The following AKAP6 variants were observed in gnomAD, a reference collection of about 807,000 sequenced individuals.
The protein encoded by AKAP6 is A-kinase anchor protein 6.
In AKAP6, 58 loss-of-function variants were observed where a neutral mutation model predicts 188.5. That is an observed-to-expected ratio of 0.31 (90% CI 0.25 to 0.38). AKAP6 has a LOEUF of 0.38. Ranked by LOEUF, AKAP6 falls within the 10% of genes least tolerant of loss-of-function variation. The pLI, the probability that AKAP6 is intolerant of heterozygous loss-of-function variation, is 1.00. For synonymous variants in AKAP6, 989 were observed against 998.6 expected (o/e 0.99, Z 0.18); for missense variants, 2,710 against 2,740.0 (o/e 0.99, Z 0.24).
chr14:32,411,946 A>G (rs747501856), intron 1 of AKAP6, among the ~76,000 whole-genome samples: 3 of 124,706 alleles, frequency 2.4e-5, no homozygotes, highest in Non-Finnish European at 5.1e-5. Context: ...TGCTTCATTT[A>G]CAAGCTAATA....
intron 7 of AKAP6, among the ~76,000 whole-genome samples, chr14:32,641,403 C>T (rs796260102): frequency 2.2e-4 from 33 of 146,846 alleles, no homozygotes; most frequent in Admixed American, 7.0e-4. Context: ...TTTGAGAGGC[C>T]GAGATGGGAG....
intron 7 of AKAP6, among the ~76,000 whole-genome samples, chr14:32,671,113 G>T (rs1889173068): frequency 6.6e-6 from 1 of 152,172 alleles, no homozygotes; most frequent in Non-Finnish European, 1.5e-5. Context: ...AGAGGATAGG[G>T]ATTTCTAGGG....
At chr14:32,585,969 G>T (rs573571704) in intron 5 of AKAP6, among the ~76,000 whole-genome samples, 1 of 152,134 alleles carries the variant, frequency 6.6e-6, no homozygotes, top group Non-Finnish European at 1.5e-5. Context: ...TCCTCTGGGG[G>T]CAATGGGGAC....
intron 7 of AKAP6, among the ~76,000 whole-genome samples, chr14:32,677,676 G>A (rs961413240): frequency 6.6e-6 from 1 of 152,190 alleles, no homozygotes; most frequent in African/African-American, 2.4e-5. Context: ...GCCTTGGTTT[G>A]ATAGAAAACA....
intron 3 of AKAP6, among the ~76,000 whole-genome samples, chr14:32,538,425 T>A (rs1882779501): frequency 1.3e-5 from 2 of 152,208 alleles, no homozygotes; most frequent in Non-Finnish European, 2.9e-5. Flanking sequence ...TGGAAGTTAG[T>A]TAAATTTCAG....
chr14:32,386,481 G>A, intron 1 of AKAP6, among the ~76,000 whole-genome samples: 1 of 152,008 alleles, frequency 6.6e-6, no homozygotes, highest in Non-Finnish European at 1.5e-5. Flanking sequence ...ATTTGTTAGA[G>A]TTCATTGTAG....
At chr14:32,809,327 A>T (rs1293410666) in intron 12 of AKAP6, among the ~76,000 whole-genome samples, 1 of 152,234 alleles carries the variant, frequency 6.6e-6, no homozygotes, top group African/African-American at 2.4e-5. Flanking sequence ...AAATTTCATT[A>T]ATGATGCATA....
At chr14:32,632,095 A>C (rs1555346622) in intron 7 of AKAP6, among the ~76,000 whole-genome samples, 1 of 151,770 alleles carries the variant, frequency 6.6e-6, no homozygotes, top group African/African-American at 2.4e-5. Flanking sequence ...TTTTGTTTTT[A>C]ATGAGGGAGG....
At chr14:32,404,689 G>GATATATATATATATATATATATATATAT (rs1566485487) in intron 1 of AKAP6, among the ~76,000 whole-genome samples, 1 of 4,946 alleles carries the variant, frequency 2.0e-4, no homozygotes, top group African/African-American at 3.3e-4. Flanking sequence ...GAGGAGTCAG[G>GATATATATATATATATATATATATATAT]AGATATATAT....
At chr14:32,596,939 T>C (rs966573294) in intron 5 of AKAP6, among the ~76,000 whole-genome samples, 1 of 152,154 alleles carries the variant, frequency 6.6e-6, no homozygotes, top group African/African-American at 2.4e-5. Flanking sequence ...CAGAGGCTCA[T>C]TGTGAATTCC....
intron 9 of AKAP6, among the ~76,000 whole-genome samples, chr14:32,731,335 T>C (rs946524178): frequency 2.0e-5 from 3 of 152,160 alleles, no homozygotes; most frequent in South Asian, 2.1e-4. Context: ...TGGGATCTTA[T>C]ATAATATCAT....
At position 32,829,922 on chromosome 14, in the gene AKAP6, ACT is replaced by A. The variant is rs1429822406; in HGVS notation, c.*118_*119del. The A allele has an allele frequency of 2.8e-6, 2 of 702,518 alleles. No homozygotes were observed. Among genetic ancestry groups the A allele is most frequent in the Non-Finnish European group, 5.2e-6 (2 of 384,786 alleles). The allele number at this position is 702,518 out of a possible 1,614,324, so 43.5% of individuals were successfully genotyped here. On this transcript the variant is annotated 3_prime_UTR_variant, in exon 14 of 14. Transcript: ENST00000280979. ...GGCCTCTGGTTCCATCACGTTTGTC[ACT>A]GCCGTTTATTACATTGACTTCTCCC...
chr14:32,789,481 A>G (rs760571883), intron 12 of AKAP6, among the ~76,000 whole-genome samples: 4 of 152,318 alleles, frequency 2.6e-5, no homozygotes, highest in African/African-American at 4.8e-5. Context: ...TGGGCCGGCA[A>G]CAGGTCAGTA....
chr14:32,768,922 C>T (rs2032801004), intron 11 of AKAP6, among the ~76,000 whole-genome samples: 1 of 151,698 alleles, frequency 6.6e-6, no homozygotes, highest in South Asian at 2.1e-4. Context: ...GGGCACCGTA[C>T]TCTGAGGACC....
chr14:32,539,302 G>A (rs1023670056), intron 3 of AKAP6, among the ~76,000 whole-genome samples: 1 of 152,178 alleles, frequency 6.6e-6, no homozygotes, highest in Non-Finnish European at 1.5e-5. Flanking sequence ...GGTGTGGTAA[G>A]CACTTACCTA....
intron 2 of AKAP6, among the ~76,000 whole-genome samples, chr14:32,532,210 GT>G (rs1438840896): frequency 6.6e-6 from 1 of 152,090 alleles, no homozygotes; most frequent in African/African-American, 2.4e-5. Flanking sequence ...TCTCATTGTG[GT>G]TTTAATTTAC....
At position 32,544,066 on chromosome 14, in the gene AKAP6, G is replaced by A. The variant is rs1280986054; in HGVS notation, c.577-1164G>A. On this transcript the variant is annotated intron_variant, in intron 3 of 13. Coordinates refer to ENST00000280979, the MANE Select transcript of AKAP6 (RefSeq NM_004274.5). Reference sequence around the variant, plus strand: ...TCCAAAAACAAAAACAAACAAATGAGCAGTAAAACCAGATATAAGATCCTG... The same window carrying A: ...TCCAAAAACAAAAACAAACAAATGAACAGTAAAACCAGATATAAGATCCTG... Among the ~76,000 whole-genome samples the A allele has an allele frequency of 4.6e-5, 7 of 152,254 alleles. No individual in the cohort carries two copies. The South Asian group carries it at 1.0e-3, about 23-fold the overall frequency.
intron 7 of AKAP6, among the ~76,000 whole-genome samples, chr14:32,667,191 T>C (rs1041999921): frequency 6.6e-6 from 1 of 152,116 alleles, no homozygotes; most frequent in Non-Finnish European, 1.5e-5. Flanking sequence ...ATGGAGTGTT[T>C]AACTTTTAAT....
intron 1 of AKAP6, among the ~76,000 whole-genome samples, chr14:32,425,339 A>C (rs907743171): frequency 3.9e-5 from 6 of 152,026 alleles, no homozygotes; most frequent in African/African-American, 1.4e-4. Flanking sequence ...GCTTGTGCCT[A>C]TAATTCCAGC....
Sources: allele counts gnomAD v4.1 joint callset (sites outside exome capture counted in the v4.1 genomes callset), GRCh38; gene constraint gnomAD v4.1.1; transcripts MANE v1.5; gene names NCBI Gene and HGNC (gene_info 2026-07-23, HGNC 2026-07-21).